PTPN3: variants seen among roughly 807,000 people sequenced by gnomAD.
PTPN3 encodes the protein tyrosine-protein phosphatase non-receptor type 3.
A neutral mutation model predicts 132.7 loss-of-function variants in PTPN3; 96 were observed. That is an observed-to-expected ratio of 0.72 (90% CI 0.61 to 0.86). The LOEUF (loss-of-function observed/expected upper bound fraction) is 0.86. Among genes scored for constraint, PTPN3 ranks in the 40% least tolerant of loss-of-function variants. PTPN3 has a pLI of 0.00. For synonymous variants in PTPN3, 398 were observed against 429.0 expected (o/e 0.93, Z 0.89); for missense variants, 1,125 against 1,159.6 (o/e 0.97, Z 0.43).
At chr9:109,445,099 A>AT (rs1844759706) in intron 7 of PTPN3, 141 bp downstream of exon 7, 1 of 766,734 alleles carries the variant, frequency 1.3e-6, no homozygotes, top group Admixed American at 2.3e-5. Context: ...GTAGAAACAC[A>AT]TATCTGGACA....
At chr9:109,519,924 C>T in the PTPN3 span, among the ~76,000 whole-genome samples, 1,145 of 152,174 alleles carry the variant, frequency 7.5e-3, 10 homozygotes, top group African/African-American at 0.026. Context: ...TTTGGGAGGC[C>T]GAGTTGGTAA....
intron 5 of PTPN3, among the ~76,000 whole-genome samples, chr9:109,451,568 C>T (rs925303638): frequency 6.6e-6 from 1 of 152,240 alleles, no homozygotes; most frequent in African/African-American, 2.4e-5. Flanking sequence ...CTTCGGACAC[C>T]TGAAGGCAGC....
intron 1 of PTPN3, among the ~76,000 whole-genome samples, chr9:109,473,946 A>G (rs1426444025): frequency 6.7e-6 from 1 of 150,190 alleles, no homozygotes; most frequent in African/African-American, 2.5e-5. Flanking sequence ...AGGAAATCTG[A>G]TTATGATGCA....
intron 7 of PTPN3, among the ~76,000 whole-genome samples, chr9:109,441,298 C>T (rs1364347024): frequency 6.6e-6 from 1 of 152,192 alleles, no homozygotes; most frequent in Non-Finnish European, 1.5e-5. Context: ...TTATGTTTTG[C>T]AGCAAAGAGA....
chr9:109,408,824 T>TTATATATATATATGGGCTTTAA (rs1841821462), intron 16 of PTPN3, among the ~76,000 whole-genome samples: 2 of 128,544 alleles, frequency 1.6e-5, no homozygotes. Context: ...TATATGGGCT[T>TTATATATATATATGGGCTTTAA]TATATATATA....
intron 4 of PTPN3, 88 bp downstream of exon 4, chr9:109,457,085 T>A: frequency 7.3e-7 from 1 of 1,367,044 alleles, no homozygotes. Context: ...AGGTACCAGA[T>A]GTCACAGGCA....
the PTPN3 span, chr9:109,534,300 G>A: frequency 6.5e-6 from 10 of 1,532,004 alleles, no homozygotes; most frequent in Non-Finnish European, 8.7e-6. Flanking sequence ...GGCAAGCGGC[G>A]GGCGGCTGCT....
At chr9:109,388,075 G>C (rs964273253) in intron 22 of PTPN3, among the ~76,000 whole-genome samples, 1 of 152,134 alleles carries the variant, frequency 6.6e-6, no homozygotes, top group African/African-American at 2.4e-5. Context: ...ACACCTGCTG[G>C]GAGTCCCACT....
the PTPN3 span, among the ~76,000 whole-genome samples, chr9:109,519,078 G>C: frequency 6.6e-6 from 1 of 152,082 alleles, no homozygotes; most frequent in Non-Finnish European, 1.5e-5. Context: ...TTGACCTCTA[G>C]ATTCCTCAAA....
intron 14 of PTPN3, among the ~76,000 whole-genome samples, 178 bp downstream of exon 14, chr9:109,420,246 C>T (rs908926364): frequency 7.9e-5 from 12 of 152,130 alleles, no homozygotes; most frequent in Non-Finnish European, 1.0e-4. Flanking sequence ...GCACATAGAC[C>T]GTCTTCCGGG....
chr9:109,407,322 T>C (rs2131737401), intron 17 of PTPN3, among the ~76,000 whole-genome samples: 1 of 152,152 alleles, frequency 6.6e-6, no homozygotes, highest in Non-Finnish European at 1.5e-5. Context: ...AGTTTGAGGC[T>C]GCAGTGATCA....
At chr9:109,504,345 AG>A in the PTPN3 span, among the ~76,000 whole-genome samples, 1 of 152,212 alleles carries the variant, frequency 6.6e-6, no homozygotes, top group Admixed American at 6.5e-5. Context: ...TCAGCTGGAC[AG>A]GGAGCCAAGC....
the PTPN3 span, chr9:109,534,481 TA>T: frequency 1.9e-6 from 2 of 1,079,326 alleles, no homozygotes; most frequent in Non-Finnish European, 2.5e-6. Flanking sequence ...TCTTGGCTCT[TA>T]AAAAGTTAGT....
chr9:109,441,233 T>C (rs994474433), intron 7 of PTPN3, among the ~76,000 whole-genome samples: 1 of 152,244 alleles, frequency 6.6e-6, no homozygotes, highest in African/African-American at 2.4e-5. Context: ...GAAGTGCTTA[T>C]GTGGGAAATA....
At chr9:109,491,275 T>C (rs10979889) in intron 1 of PTPN3, among the ~76,000 whole-genome samples, 19,378 of 152,148 alleles carry the variant, frequency 0.13, 1,467 homozygotes, top group Middle Eastern at 0.25. Flanking sequence ...ATTTATTGAT[T>C]CTAAAATTTG....
At position 109,446,348 on chromosome 9, in the gene PTPN3, C is replaced by T. The variant is rs538994383; in HGVS notation, c.414-1056G>A. Among the ~76,000 whole-genome samples, 6 of 152,318 alleles carry T rather than the reference C, an allele frequency of 3.9e-5. No individual in the cohort carries two copies. In the East Asian group the frequency reaches 7.7e-4, roughly 20 times the overall value. On this transcript the variant is annotated intron_variant, in intron 6 of 25. Coordinates refer to ENST00000374541, the MANE Select transcript of PTPN3 (RefSeq NM_002829.4). ...TGACAATGCGGCCCTCCAGGGGTTC[C>T]GCTTCCTGTCCACTGCACTGTGTGC... is the stretch of plus-strand genomic sequence containing the variant.
At chr9:109,401,344 T>C (rs1841081528) in intron 19 of PTPN3, among the ~76,000 whole-genome samples, 1 of 152,222 alleles carries the variant, frequency 6.6e-6, no homozygotes, top group Non-Finnish European at 1.5e-5. Flanking sequence ...CCCATCCTGG[T>C]GCTGCCAATC....
chr9:109,506,373 A>G, the PTPN3 span, among the ~76,000 whole-genome samples: 4 of 152,214 alleles, frequency 2.6e-5, no homozygotes, highest in Non-Finnish European at 5.9e-5. Context: ...CCGAAGAGGA[A>G]CTGTATGAGT....
intron 10 of PTPN3, among the ~76,000 whole-genome samples, chr9:109,430,536 T>C (rs1843582754): frequency 7.0e-6 from 1 of 143,254 alleles, no homozygotes; most frequent in African/African-American, 2.5e-5. Context: ...CCTTCACTCA[T>C]TTATAAGAAA....
Sources: allele counts gnomAD v4.1 joint callset (sites outside exome capture counted in the v4.1 genomes callset), GRCh38; gene constraint gnomAD v4.1.1; transcripts MANE v1.5; gene names NCBI Gene and HGNC (gene_info 2026-07-23, HGNC 2026-07-21).